ANTXR1: variants seen among roughly 807,000 people sequenced by gnomAD.
ANTXR1 encodes ANTXR cell adhesion molecule 1, also known as anthrax toxin receptor 1.
Under a neutral mutation model 78.1 loss-of-function variants are expected in ANTXR1, and 19 were observed. The observed-to-expected ratio is 0.24, with a 90% CI of 0.17 to 0.36. ANTXR1 has a LOEUF of 0.36. Ranked by LOEUF, ANTXR1 falls within the 10% of genes least tolerant of loss-of-function variation. The pLI is 1.00. For missense variants in ANTXR1, 518 were observed against 718.6 expected (o/e 0.72, Z 3.19); for synonymous variants, 273 against 260.5 (o/e 1.05, Z -0.46).
At chr2:69,095,175 T>C (rs1171760369) in intron 9 of ANTXR1, among the ~76,000 whole-genome samples, 1 of 152,218 alleles carries the variant, frequency 6.6e-6, no homozygotes, top group Non-Finnish European at 1.5e-5. Context: ...ATTCTTTCTT[T>C]CATTTCCTTC....
intron 7 of ANTXR1, 63 bp downstream of exon 7, chr2:69,075,721 T>A: frequency 6.9e-7 from 1 of 1,446,530 alleles, no homozygotes; most frequent in Admixed American, 1.7e-5. Context: ...AAGAACATGT[T>A]CAGTCAGTGC....
chr2:69,115,335 GT>G (rs1672108304), intron 10 of ANTXR1, among the ~76,000 whole-genome samples: 2 of 152,218 alleles, frequency 1.3e-5, no homozygotes, highest in Non-Finnish European at 2.9e-5. Context: ...GACTCACTCA[GT>G]TTGTGCACAC....
chr2:69,215,701 C>G (rs1392319544), intron 17 of ANTXR1, among the ~76,000 whole-genome samples: 1 of 152,182 alleles, frequency 6.6e-6, no homozygotes, highest in Non-Finnish European at 1.5e-5. Flanking sequence ...TAGTAGAATG[C>G]TGGCCCATAG....
intron 17 of ANTXR1, among the ~76,000 whole-genome samples, chr2:69,214,011 C>G (rs1675116173): frequency 6.6e-6 from 1 of 152,262 alleles, no homozygotes; most frequent in African/African-American, 2.4e-5. Flanking sequence ...AACCCACAGC[C>G]AGGCAGTCTC....
intron 17 of ANTXR1, among the ~76,000 whole-genome samples, chr2:69,241,144 C>A (rs2104532083): frequency 6.6e-6 from 1 of 152,262 alleles, no homozygotes; most frequent in Non-Finnish European, 1.5e-5. Context: ...CCACCCAAAA[C>A]CAATACTGTG....
intron 10 of ANTXR1, among the ~76,000 whole-genome samples, chr2:69,109,075 G>C (rs959275971): frequency 1.3e-5 from 2 of 152,104 alleles, no homozygotes; most frequent in African/African-American, 4.8e-5. Context: ...CGACTGTGAC[G>C]TCTTATTTAA....
intron 3 of ANTXR1, among the ~76,000 whole-genome samples, chr2:69,065,488 A>G (rs1458959334): frequency 6.6e-6 from 1 of 152,092 alleles, no homozygotes; most frequent in East Asian, 1.9e-4. Flanking sequence ...AGATAATATC[A>G]GGAAAGGGAA....
At chr2:69,156,972 C>T (rs1409187246) in intron 13 of ANTXR1, among the ~76,000 whole-genome samples, 1 of 152,174 alleles carries the variant, frequency 6.6e-6, no homozygotes, top group East Asian at 1.9e-4. Context: ...CTCTCTTCTC[C>T]TTACCTTCCT....
At chr2:69,069,930 C>T (rs1300042208) in intron 3 of ANTXR1, among the ~76,000 whole-genome samples, 1 of 152,072 alleles carries the variant, frequency 6.6e-6, no homozygotes, top group Non-Finnish European at 1.5e-5. Flanking sequence ...ACTTTATTGC[C>T]CTTTTTGGCA....
intron 17 of ANTXR1, among the ~76,000 whole-genome samples, chr2:69,194,105 A>C (rs1674607232): frequency 6.6e-6 from 1 of 152,242 alleles, no homozygotes; most frequent in Non-Finnish European, 1.5e-5. Flanking sequence ...AAATCACCTA[A>C]TTGCATTCTC....
intron 13 of ANTXR1, among the ~76,000 whole-genome samples, chr2:69,156,135 T>C (rs1223501737): frequency 6.6e-6 from 1 of 152,196 alleles, no homozygotes; most frequent in Non-Finnish European, 1.5e-5. Flanking sequence ...ACTCATACTT[T>C]AGCAAACTGC....
At chr2:69,162,427 T>G (rs547437168) in intron 13 of ANTXR1, among the ~76,000 whole-genome samples, 1 of 152,212 alleles carries the variant, frequency 6.6e-6, no homozygotes, top group East Asian at 1.9e-4. Context: ...GAGTTCAAAC[T>G]TACACTACTT....
Position 69,102,834 on chromosome 2 carries a change from T to C in ANTXR1, c.704-8T>C. The C allele has an allele frequency of 6.2e-7, 1 of 1,613,804 alleles. No homozygotes were observed. The highest frequency in any genetic ancestry group is 8.5e-7 in the Non-Finnish European group (1 of 1,179,802). ...AGTAACGAGTCTCGTCATTATTCTT[T>C]ATTTCAGAGTCATTTCAAGTTGTCG... On this transcript the variant is annotated splice_region_variant and splice_polypyrimidine_tract_variant and intron_variant, in intron 9 of 17. Coordinates refer to ENST00000303714, the MANE Select transcript of ANTXR1 (RefSeq NM_032208.3).
At position 69,201,099 on chromosome 2, in the gene ANTXR1, C is replaced by CT. The variant is rs1276326812; in HGVS notation, c.1434+7684_1434+7685insT. 7.2e-5 allele frequency among the ~76,000 whole-genome samples: 11 copies of CT among 152,240 alleles called. No homozygotes were observed. In the East Asian group the frequency reaches 2.1e-3, roughly 29 times the overall value. On this transcript the variant is annotated intron_variant, in intron 17 of 17. Coordinates refer to ENST00000303714, the MANE Select transcript of ANTXR1 (RefSeq NM_032208.3). ...GATTAATGAATGAGCCCTGTCCCTGCCCTCGAGGAACAGGGACAAACAGGA... is the reference window on the plus strand; with the variant it reads ...GATTAATGAATGAGCCCTGTCCCTGCTCCTCGAGGAACAGGGACAAACAGGA...
intron 3 of ANTXR1, among the ~76,000 whole-genome samples, chr2:69,070,158 T>A (rs144281280): frequency 2.6e-4 from 39 of 152,288 alleles, no homozygotes; most frequent in Non-Finnish European, 3.5e-4. Flanking sequence ...AAGCGGAGAT[T>A]CCTTGGGTTT....
intron 17 of ANTXR1, among the ~76,000 whole-genome samples, chr2:69,238,269 G>A (rs925184000): frequency 6.6e-6 from 1 of 152,178 alleles, no homozygotes; most frequent in Non-Finnish European, 1.5e-5. Flanking sequence ...GATCACAAAT[G>A]TGGTTGCTGG....
chr2:69,017,427 G>T (rs1671056513), intron 1 of ANTXR1, among the ~76,000 whole-genome samples: 1 of 152,158 alleles, frequency 6.6e-6, no homozygotes, highest in Non-Finnish European at 1.5e-5. Context: ...CCCAATCCCT[G>T]CAACTCCTTC....
Position 69,013,246 on chromosome 2 carries a change from C to G in ANTXR1, c.-254C>G, listed in dbSNP as rs2103967150. ...GCTGCCCGGCGGCCCCGGACCGAGG[C>G]AGCCCTCCCCTTTAAAAGAAGCGGA... On this transcript the variant is annotated 5_prime_UTR_variant, in exon 1 of 18. Coordinates refer to ENST00000303714, the MANE Select transcript of ANTXR1 (RefSeq NM_032208.3). This position sits in a 1 kb window ranked among gnomAD's most constrained non-coding sequence, Gnocchi z 5.0. 3.3e-6 allele frequency: 2 copies of G among 612,394 alleles called. No homozygotes were observed. Among genetic ancestry groups the G allele is most frequent in the Non-Finnish European group, 2.9e-6 (1 of 349,292 alleles). The allele number at this position is 612,394 out of a possible 1,614,324, so 37.9% of individuals were successfully genotyped here. A position where few individuals can be genotyped will look rare whatever the true frequency, so the allele number is the denominator to read the frequency against.
At chr2:69,134,884 C>G (rs774893763) in intron 12 of ANTXR1, 1 of 197,200 alleles carries the variant, frequency 5.1e-6, no homozygotes, top group Non-Finnish European at 1.1e-5. Context: ...CCAAATCAGT[C>G]TCCTCTATTT....
Sources: allele counts gnomAD v4.1 joint callset (sites outside exome capture counted in the v4.1 genomes callset), GRCh38; gene constraint gnomAD v4.1.1; non-coding constraint Gnocchi (gnomAD v3.1); transcripts MANE v1.5; gene names NCBI Gene and HGNC (gene_info 2026-07-23, HGNC 2026-07-21).